The following LOC128125822 variants were observed in gnomAD, a reference collection of about 807,000 sequenced individuals.
the LOC128125822 span, among the ~76,000 whole-genome samples, chr6:63,575,232 C>A: frequency 6.6e-6 from 1 of 152,128 alleles, no homozygotes; most frequent in Non-Finnish European, 1.5e-5. Context: ...ACTAATGGAA[C>A]CTTTTGTTAA....
chr6:63,574,024 C>G, the LOC128125822 span, among the ~76,000 whole-genome samples: 15 of 152,154 alleles, frequency 9.9e-5, no homozygotes, highest in Non-Finnish European at 1.5e-5. Context: ...AGCCCCCTAC[C>G]AGTCCACGAG....
chr6:63,579,166 T>C, the LOC128125822 span: 1 of 1,415,686 alleles, frequency 7.1e-7, no homozygotes, highest in South Asian at 1.4e-5. Flanking sequence ...GGGTGGTAGA[T>C]AATACTTCTG....
At chr6:63,581,483 T>G in the LOC128125822 span, 1 of 152,570 alleles carries the variant, frequency 6.6e-6, no homozygotes, top group Non-Finnish European at 1.5e-5. Context: ...TAAAATTAAC[T>G]TATTTTGTAG....
At chr6:63,579,126 C>T in the LOC128125822 span, 2 of 1,382,778 alleles carry the variant, frequency 1.4e-6, no homozygotes, top group Non-Finnish European at 1.9e-6. Context: ...ATAAAGTCAA[C>T]ATTTGTCATA....
At chr6:63,580,127 C>T in the LOC128125822 span, 1 of 1,613,302 alleles carries the variant, frequency 6.2e-7, no homozygotes, top group South Asian at 1.1e-5. Flanking sequence ...AATGCGGCTG[C>T]GTTTCAAAGA....
At chr6:63,580,195 C>T in the LOC128125822 span, 5 of 1,550,104 alleles carry the variant, frequency 3.2e-6, no homozygotes, top group Non-Finnish European at 4.5e-6. Context: ...CCTAATGCTA[C>T]TGGAAGTGGA....
At chr6:63,578,557 T>A in the LOC128125822 span, 1 of 1,600,190 alleles carries the variant, frequency 6.2e-7, no homozygotes, top group Non-Finnish European at 8.5e-7. Flanking sequence ...CTTATGGGTT[T>A]ATGGTGCTGT....
the LOC128125822 span, chr6:63,580,006 T>TATGGTTGTTGTCTATAAGAC: frequency 7.3e-7 from 1 of 1,361,464 alleles, no homozygotes; most frequent in Non-Finnish European, 1.0e-6. Flanking sequence ...CACTAAATAT[T>TATGGTTGTTGTCTATAAGAC]ACTGTAGGGG....
the LOC128125822 span, chr6:63,578,647 A>G: frequency 7.3e-7 from 1 of 1,372,178 alleles, no homozygotes; most frequent in Non-Finnish European, 9.7e-7. Flanking sequence ...GCTAAAAACA[A>G]ATATTATATT....
chr6:63,583,024 G>A, the LOC128125822 span: 1 of 152,050 alleles, frequency 6.6e-6, no homozygotes, highest in African/African-American at 2.4e-5. Context: ...AATATCTACT[G>A]TTTGCCAGGC....
the LOC128125822 span, chr6:63,580,424 G>A: frequency 2.5e-6 from 1 of 407,266 alleles, no homozygotes; most frequent in East Asian, 4.0e-5. Flanking sequence ...TGTATCAATT[G>A]ACCTTTCCCC....
chr6:63,572,762 C>G, the LOC128125822 span: 9 of 398,192 alleles, frequency 2.3e-5, no homozygotes, highest in African/African-American at 2.1e-5. Flanking sequence ...TGGGAATCCA[C>G]GACCGGCCCC....
the LOC128125822 span, among the ~76,000 whole-genome samples, chr6:63,574,639 T>C: frequency 6.6e-6 from 1 of 152,160 alleles, no homozygotes; most frequent in Admixed American, 6.5e-5. Flanking sequence ...AGCTATTAAA[T>C]ATGGAAATAG....
chr6:63,579,915 C>G, the LOC128125822 span: 1 of 655,594 alleles, frequency 1.5e-6, no homozygotes. Flanking sequence ...TGTGCCTGTT[C>G]ATATTCCTTT....
At chr6:63,578,271 TAAAAC>T in the LOC128125822 span, among the ~76,000 whole-genome samples, 4 of 152,230 alleles carry the variant, frequency 2.6e-5, no homozygotes, top group Non-Finnish European at 4.4e-5. Context: ...CATTGTCACT[TAAAAC>T]AAAATTTGCT....
chr6:63,579,253 C>G, the LOC128125822 span: 1 of 1,603,296 alleles, frequency 6.2e-7, no homozygotes, highest in Non-Finnish European at 8.5e-7. Context: ...TCTTACCTCA[C>G]CAGAGCTCCA....
chr6:63,577,782 C>A, the LOC128125822 span, among the ~76,000 whole-genome samples: 1 of 151,732 alleles, frequency 6.6e-6, no homozygotes, highest in Non-Finnish European at 1.5e-5. Context: ...GAACTCCTGA[C>A]CTCAGGTGAG....
At chr6:63,579,189 T>C in the LOC128125822 span, 1 of 1,502,498 alleles carries the variant, frequency 6.7e-7, no homozygotes, top group Non-Finnish European at 9.1e-7. Flanking sequence ...TTGGGGAATG[T>C]TTGGAGAAAT....
At chr6:63,580,829 G>A in the LOC128125822 span, 5 of 151,156 alleles carry the variant, frequency 3.3e-5, no homozygotes, top group South Asian at 2.1e-4. Context: ...GAAAATCTAC[G>A]TTGTACAGAA....
Sources: allele counts gnomAD v4.1 joint callset (sites outside exome capture counted in the v4.1 genomes callset), GRCh38; gene constraint gnomAD v4.1.1; transcripts MANE v1.5.